Variants in SYT1 observed in about 807,000 individuals in gnomAD.
The protein encoded by SYT1 is synaptotagmin 1.
Under a neutral mutation model 44.8 loss-of-function variants are expected in SYT1, and 8 were observed. That is an observed-to-expected ratio of 0.18 (90% confidence interval 0.10 to 0.32). SYT1 has a LOEUF of 0.32. Ranked by LOEUF, SYT1 falls within the 10% of genes least tolerant of loss-of-function variation. SYT1 has a pLI of 1.00. For synonymous variants in SYT1, 154 were observed against 188.8 expected (o/e 0.82, Z 1.51); for missense variants, 286 against 509.3 (o/e 0.56, Z 4.22).
intron 1 of SYT1, among the ~76,000 whole-genome samples, chr12:78,906,962 T>A (rs996582481): frequency 1.3e-5 from 2 of 152,152 alleles, no homozygotes; most frequent in Non-Finnish European, 2.9e-5. Flanking sequence ...TAATAATACC[T>A]ACTGCTATAA....
rs547455440 is a variant in SYT1, at chr12:79,139,964, A to T, written c.-17-77539A>T. On this transcript the variant is annotated intron_variant, in intron 3 of 10. Transcript: ENST00000261205. ...TGCTGGGAAAAGACCATACAAACCT[A>T]TAGAAAGTCCCTGATTTATTTAACA... Among the ~76,000 whole-genome samples the T allele has an allele frequency of 8.5e-4, 129 of 152,330 alleles. No individual in the cohort carries two copies. The Middle Eastern group carries it at 0.014, about 16-fold the overall frequency.
chr12:79,307,822 G>C (rs917695131), intron 8 of SYT1, among the ~76,000 whole-genome samples: 13 of 152,220 alleles, frequency 8.5e-5, no homozygotes, highest in Non-Finnish European at 1.8e-4. Flanking sequence ...ACCTCATCCT[G>C]TCTTGCTGGC....
intron 9 of SYT1, among the ~76,000 whole-genome samples, chr12:79,426,921 T>C (rs918716530): frequency 6.6e-6 from 1 of 152,170 alleles, no homozygotes. Context: ...AGTCTCAAGA[T>C]ATCTGACGGT....
intron 2 of SYT1, among the ~76,000 whole-genome samples, chr12:79,035,540 A>G (rs1457374116): frequency 6.7e-6 from 1 of 148,618 alleles, no homozygotes; most frequent in Non-Finnish European, 1.5e-5. Context: ...ACCTTCTGGA[A>G]ATGAAATAAT....
intron 8 of SYT1, among the ~76,000 whole-genome samples, chr12:79,299,819 C>A (rs188622941): frequency 6.6e-6 from 1 of 152,238 alleles, no homozygotes; most frequent in Admixed American, 6.6e-5. Context: ...CACAGGAACT[C>A]TTTCTAAAAG....
At chr12:79,299,304 T>C in intron 7 of SYT1, 80 bp from the exon 8 acceptor site, 1 of 1,464,252 alleles carries the variant, frequency 6.8e-7, no homozygotes. Flanking sequence ...ACGTAAATAT[T>C]AAATTAAGCA....
At chr12:79,218,298 T>C (rs1451575670) in intron 4 of SYT1, among the ~76,000 whole-genome samples, 1 of 152,202 alleles carries the variant, frequency 6.6e-6, no homozygotes, top group East Asian at 1.9e-4. Context: ...ATTAATAATA[T>C]ATCTATGGTG....
intron 9 of SYT1, among the ~76,000 whole-genome samples, chr12:79,397,719 A>G (rs540070514): frequency 3.1e-4 from 47 of 152,174 alleles, no homozygotes; most frequent in Non-Finnish European, 6.3e-4. Flanking sequence ...GTTTTTCTTT[A>G]TCATTCTTTT....
At chr12:79,106,389 C>G (rs1451777050) in intron 3 of SYT1, among the ~76,000 whole-genome samples, 1 of 151,932 alleles carries the variant, frequency 6.6e-6, no homozygotes, top group Non-Finnish European at 1.5e-5. Context: ...GGATCATATT[C>G]TACATGTCAA....
chr12:79,212,685 T>A (rs1874533163), intron 3 of SYT1, among the ~76,000 whole-genome samples: 1 of 152,222 alleles, frequency 6.6e-6, no homozygotes. Context: ...AGTACTATGT[T>A]TCCTTTCAGT....
intron 8 of SYT1, among the ~76,000 whole-genome samples, chr12:79,323,579 GA>G (rs1881467904): frequency 6.6e-6 from 1 of 152,176 alleles, no homozygotes; most frequent in African/African-American, 2.4e-5. Context: ...ATGGCAAATA[GA>G]AACACTAACA....
chr12:79,362,485 A>G (rs1161389646), intron 9 of SYT1, among the ~76,000 whole-genome samples: 1 of 152,144 alleles, frequency 6.6e-6, no homozygotes, highest in Non-Finnish European at 1.5e-5. Flanking sequence ...GGGAGGGAAA[A>G]TCTCCTACCT....
At chr12:79,345,722 G>A (rs1882579369) in intron 8 of SYT1, among the ~76,000 whole-genome samples, 1 of 152,168 alleles carries the variant, frequency 6.6e-6, no homozygotes, top group Non-Finnish European at 1.5e-5. Flanking sequence ...GGAATAAAAT[G>A]AAGTTGAAAA....
intron 3 of SYT1, among the ~76,000 whole-genome samples, chr12:79,097,618 C>T (rs1265775214): frequency 6.6e-6 from 1 of 151,932 alleles, no homozygotes; most frequent in East Asian, 1.9e-4. Context: ...AACCAACACG[C>T]TCACAAACTA....
chr12:79,412,985 G>A (rs1383908891), intron 9 of SYT1, among the ~76,000 whole-genome samples: 1 of 152,078 alleles, frequency 6.6e-6, no homozygotes, highest in East Asian at 1.9e-4. Flanking sequence ...TATTATTGTG[G>A]AAAGATATGA....
chr12:79,402,793 T>C (rs969214617), intron 9 of SYT1, among the ~76,000 whole-genome samples: 6 of 152,214 alleles, frequency 3.9e-5, no homozygotes, highest in African/African-American at 1.4e-4. Context: ...AAGCATTCAT[T>C]AGTTAAAATC....
At chr12:79,185,061 C>T (rs990039824) in intron 3 of SYT1, among the ~76,000 whole-genome samples, 4 of 151,998 alleles carry the variant, frequency 2.6e-5, no homozygotes, top group Non-Finnish European at 5.9e-5. Flanking sequence ...AGCCGGCTCT[C>T]TCCACTATGA....
At chr12:79,154,993 TC>T (rs1870507532) in intron 3 of SYT1, among the ~76,000 whole-genome samples, 1 of 152,164 alleles carries the variant, frequency 6.6e-6, no homozygotes, top group African/African-American at 2.4e-5. Context: ...ACAATTTCAC[TC>T]TTCTAAGCTC....
chr12:79,229,648 C>A (rs1875745932), intron 4 of SYT1, among the ~76,000 whole-genome samples: 1 of 151,502 alleles, frequency 6.6e-6, no homozygotes, highest in Non-Finnish European at 1.5e-5. Context: ...GGCTGGAGTG[C>A]AGTGGCACAA....
Sources: allele counts gnomAD v4.1 joint callset (sites outside exome capture counted in the v4.1 genomes callset), GRCh38; gene constraint gnomAD v4.1.1; transcripts MANE v1.5; gene names NCBI Gene and HGNC (gene_info 2026-07-23, HGNC 2026-07-21).